ABI1: variants seen among roughly 807,000 people sequenced by gnomAD.
ABI1 encodes the protein Abelson interactor 1.
A neutral mutation model predicts 54.6 loss-of-function variants in ABI1; 14 were observed. The ratio of observed to expected loss-of-function variants is 0.26; its 90% CI spans 0.17 to 0.40. The LOEUF is 0.40. Ranked by LOEUF, ABI1 falls within the 10% of genes least tolerant of loss-of-function variation. The pLI is 1.00. For synonymous variants in ABI1, 194 were observed against 209.3 expected (o/e 0.93, Z 0.63); for missense variants, 443 against 598.3 (o/e 0.74, Z 2.71).
intron 1 of ABI1, among the ~76,000 whole-genome samples, chr10:26,828,196 A>G (rs2048433859): frequency 6.6e-6 from 1 of 152,228 alleles, no homozygotes; most frequent in Admixed American, 6.5e-5. Context: ...GAGAGACAGA[A>G]GGAATGGTCA....
chr10:26,846,073 T>C (rs1015001795), intron 1 of ABI1, among the ~76,000 whole-genome samples: 18 of 150,062 alleles, frequency 1.2e-4, no homozygotes, highest in African/African-American at 3.4e-4. Context: ...ACCTGGGAGG[T>C]AGAGGTTGCA....
At chr10:26,755,869 CAAAACAAAACAA>C (rs1272310434) in intron 8 of ABI1, 128 bp from the exon 9 acceptor site, 30 of 560,762 alleles carry the variant, frequency 5.3e-5, no homozygotes, top group Non-Finnish European at 7.4e-5. Context: ...GCAAATGAAA[CAAAACAAAACAA>C]AAAACAAAAC....
chr10:26,810,321 T>A (rs2047148663), intron 2 of ABI1, among the ~76,000 whole-genome samples: 1 of 152,134 alleles, frequency 6.6e-6, no homozygotes. Flanking sequence ...ACAACTTGTA[T>A]CATCATGCAA....
chr10:26,758,234 CTAGAAA>C (rs949905089), intron 8 of ABI1, among the ~76,000 whole-genome samples: 12 of 152,038 alleles, frequency 7.9e-5, no homozygotes, highest in African/African-American at 2.9e-4. Flanking sequence ...ACATGTGGCT[CTAGAAA>C]GAGCCACAAA....
Position 26,748,026 on chromosome 10 carries a change from C to G in ABI1, c.*544G>C, listed in dbSNP as rs921064406. 2 of 204,146 alleles carry G rather than the reference C, an allele frequency of 9.8e-6. No individual in the cohort carries two copies. Among genetic ancestry groups the G allele is most frequent in the Non-Finnish European group, 2.0e-5 (2 of 100,004 alleles). 12.6% of individuals were successfully genotyped at this position (204,146 alleles called of 1,614,324 possible). On this transcript the variant is annotated 3_prime_UTR_variant, in exon 11 of 11. Transcript: ENST00000376140. The stretch of plus-strand genomic sequence containing the variant: ...TGGAGACTCAATTCACGTTAAGACA[C>G]CTAAGTACGAGTCCTCCAGGTAAAT...
chr10:26,808,776 A>C (rs1451481795), intron 2 of ABI1, among the ~76,000 whole-genome samples: 1 of 152,054 alleles, frequency 6.6e-6, no homozygotes, highest in Non-Finnish European at 1.5e-5. Flanking sequence ...GGTTATTCTA[A>C]CTATGGATTT....
chr10:26,758,387 G>A (rs1838628653), intron 8 of ABI1, among the ~76,000 whole-genome samples: 1 of 152,190 alleles, frequency 6.6e-6, no homozygotes, highest in South Asian at 2.1e-4. Context: ...TATGGAAAGT[G>A]ATATTAATGA....
In ABI1 at chr10:26,747,819, T is replaced by G. The variant is rs981632330; in HGVS notation, c.*751A>C. 10 of 193,836 alleles carry G rather than the reference T, an allele frequency of 5.2e-5. No individual in the cohort carries two copies. Among genetic ancestry groups the G allele is most frequent in the Non-Finnish European group, 7.5e-5 (7 of 93,160 alleles). 12.0% of individuals were successfully genotyped at this position (193,836 alleles called of 1,614,324 possible). A position where few individuals can be genotyped will look rare whatever the true frequency, so the allele number is the denominator to read the frequency against. On this transcript the variant is annotated 3_prime_UTR_variant, in exon 11 of 11. Transcript: ENST00000376140. ...AGAAAATAGAATCATAATTCTGCAATAAATCATTATCTTTTATTTTTTTTA... is the reference window on the plus strand; with the variant it reads ...AGAAAATAGAATCATAATTCTGCAAGAAATCATTATCTTTTATTTTTTTTA...
chr10:26,769,770 T>C (rs762609772), intron 5 of ABI1, among the ~76,000 whole-genome samples: 2 of 152,124 alleles, frequency 1.3e-5, no homozygotes, highest in Non-Finnish European at 2.9e-5. Flanking sequence ...AGAAGCATAG[T>C]TACAAGTAAA....
In ABI1 at chr10:26,759,041, G is replaced by A. The variant is rs1354111340; in HGVS notation, c.997+21C>T. On this transcript the variant is annotated intron_variant, in intron 8 of 10. Transcript: ENST00000376140. ...AAAAGGAGCTCCACTGTTGCTGTAT[G>A]CCTGCAAAGCACAAGCTTACTTGAA... 2.5e-6 allele frequency: 4 copies of A among 1,606,834 alleles called. No homozygotes were observed. In the East Asian group the frequency reaches 8.9e-5, roughly 36 times the overall value.
At chr10:26,803,030 A>G (rs1257598626) in intron 2 of ABI1, among the ~76,000 whole-genome samples, 1 of 152,226 alleles carries the variant, frequency 6.6e-6, no homozygotes, top group African/African-American at 2.4e-5. Flanking sequence ...GGAAAAATCA[A>G]ACCTAGTGTT....
chr10:26,820,238 CTTG>C (rs2047881323), intron 2 of ABI1, among the ~76,000 whole-genome samples: 1 of 152,114 alleles, frequency 6.6e-6, no homozygotes, highest in Non-Finnish European at 1.5e-5. Flanking sequence ...TGCTAGTCAG[CTTG>C]ATAGTGGTAA....
intron 2 of ABI1, among the ~76,000 whole-genome samples, chr10:26,798,297 C>T (rs1183575604): frequency 6.6e-6 from 1 of 150,770 alleles, no homozygotes; most frequent in Non-Finnish European, 1.5e-5. Flanking sequence ...AGACGGGGTG[C>T]TATCCAGTAT....
rs778056094 is a variant in ABI1 at position 26,785,726 on chromosome 10, G to GA, written c.286-8486dup. On this transcript the variant is annotated intron_variant, in intron 2 of 10. Coordinates refer to ENST00000376140, the MANE Select transcript of ABI1 (RefSeq NM_001012750.3). The stretch of plus-strand genomic sequence containing the variant: ...GGCGACAGAGTCAGACTCTGTCTGG[G>GA]AAAAAAAAAAAAAAGTCATCTCCCT... Among the ~76,000 whole-genome samples, 358 of 139,038 alleles carry GA rather than the reference G, an allele frequency of 2.6e-3. 1 individual carries two copies. The highest frequency in any genetic ancestry group is 6.1e-3 in the African/African-American group (232 of 38,014). 91.2% of individuals were successfully genotyped at this position (139,038 alleles called of 152,430 possible).
intron 1 of ABI1, among the ~76,000 whole-genome samples, chr10:26,844,352 T>C (rs906844464): frequency 3.3e-5 from 5 of 152,230 alleles, no homozygotes; most frequent in African/African-American, 4.8e-5. Context: ...AAAGAGATCA[T>C]TTTCAACCCA....
At chr10:26,800,360 G>A (rs1451101729) in intron 2 of ABI1, among the ~76,000 whole-genome samples, 1 of 152,164 alleles carries the variant, frequency 6.6e-6, no homozygotes, top group Non-Finnish European at 1.5e-5. Flanking sequence ...ACTCCAGCCT[G>A]GGGGAAAGAG....
chr10:26,853,902 A>G (rs1485582210), intron 1 of ABI1, among the ~76,000 whole-genome samples: 1 of 152,090 alleles, frequency 6.6e-6, no homozygotes, highest in African/African-American at 2.4e-5. Context: ...TATCTGCACA[A>G]TATCCTAGAG....
intron 1 of ABI1, among the ~76,000 whole-genome samples, chr10:26,823,593 C>G (rs2048123404): frequency 6.6e-6 from 1 of 152,170 alleles, no homozygotes; most frequent in Non-Finnish European, 1.5e-5. Flanking sequence ...TGCCTAGACC[C>G]TTTCCATCAC....
intron 3 of ABI1, among the ~76,000 whole-genome samples, chr10:26,773,508 T>A (rs139522932): frequency 0.013 from 2,011 of 152,052 alleles, 29 homozygotes; most frequent in African/African-American, 0.04. Flanking sequence ...CCAAGGCCAA[T>A]TCTTTCTTTG....
Sources: allele counts gnomAD v4.1 joint callset (sites outside exome capture counted in the v4.1 genomes callset), GRCh38; gene constraint gnomAD v4.1.1; transcripts MANE v1.5; gene names NCBI Gene and HGNC (gene_info 2026-07-23, HGNC 2026-07-21).